Variants in PM20D1 observed in about 807,000 individuals in gnomAD.
The protein encoded by PM20D1 is peptidase M20 domain containing 1.
Under a neutral mutation model 53.8 loss-of-function variants are expected in PM20D1, and 53 were observed. That is an observed-to-expected ratio of 0.98 (90% CI 0.79 to 1.24). The LOEUF (loss-of-function observed/expected upper bound fraction) is 1.24, where lower values mean the gene tolerates loss of function less well. Ranked by LOEUF, PM20D1 falls within the 50% of genes most tolerant of loss-of-function variation. The pLI is 0.00. For missense variants in PM20D1, 564 were observed against 616.8 expected, an observed-to-expected ratio of 0.91 and a Z score of 0.91; for synonymous variants, 239 against 241.3, an observed-to-expected ratio of 0.99 and a Z score of 0.09.
chr1:205,838,409 C>A (rs753662213), intron 10 of PM20D1, among the ~76,000 whole-genome samples: 12 of 152,202 alleles, frequency 7.9e-5, no homozygotes, highest in South Asian at 2.1e-4. Flanking sequence ...TTAGGAAGCC[C>A]TGCCTGATTC....
chr1:205,840,254 C>T lies in PM20D1; in HGVS notation c.1114G>A (p.Glu372Lys). 1 of 1,613,530 alleles carries T rather than the reference C, an allele frequency of 6.2e-7. No homozygotes were observed. The highest frequency in any genetic ancestry group is 1.7e-5 in the Admixed American group (1 of 60,002). The change falls in exon 10 of 13, where the codon GAG becomes AAG. Residue 372 changes from glutamate (E) to lysine (K), a missense_variant and splice_region_variant. Physicochemically the swap from Glu to Lys is moderately conservative, Grantham distance 56. Coordinates refer to ENST00000367136, the MANE Select transcript of PM20D1 (RefSeq NM_152491.5). ...TGTCTGGAACATATGGTACATACCT[C>T]TTGGACTGTCTGTCCAGGGTGAATC... ...FRIHPGQTVQ[E>K]VLELTKNIVA...
intron 5 of PM20D1, 51 bp downstream of exon 5, chr1:205,844,036 C>A: frequency 6.4e-7 from 1 of 1,571,022 alleles, no homozygotes; most frequent in South Asian, 1.2e-5. Flanking sequence ...GGGGTCATCT[C>A]AAATGGGGTG....
At chr1:205,848,064 A>T in intron 1 of PM20D1, 93 bp from the exon 2 acceptor site, 1 of 1,190,334 alleles carries the variant, frequency 8.4e-7, no homozygotes, top group Non-Finnish European at 1.2e-6. Context: ...TTTTGCCTTC[A>T]TTATCATATT....
intron 10 of PM20D1, among the ~76,000 whole-genome samples, chr1:205,834,150 G>C (rs1309390232): frequency 7.6e-6 from 1 of 130,930 alleles, no homozygotes; most frequent in Non-Finnish European, 1.6e-5. Context: ...GCCTGGCCAA[G>C]AGTACCTTTT....
intron 12 of PM20D1, chr1:205,829,897 T>C (rs1571665094): frequency 5.5e-6 from 1 of 180,330 alleles, no homozygotes; most frequent in East Asian, 1.4e-4. Context: ...TGACCTCATA[T>C]GTGTCTGCAT....
At chr1:205,829,235 C>T (rs1656506863) in intron 12 of PM20D1, among the ~76,000 whole-genome samples, 1 of 152,066 alleles carries the variant, frequency 6.6e-6, no homozygotes, top group African/African-American at 2.4e-5. Flanking sequence ...CATTATGTTG[C>T]CCAGGCTGGT....
chr1:205,845,294 C>T (rs1357289883), intron 3 of PM20D1, 31 bp downstream of exon 3: 2 of 1,601,306 alleles, frequency 1.2e-6, no homozygotes, highest in Non-Finnish European at 1.7e-6. Context: ...TCTTTAGGGC[C>T]CCAAGGCAGA....
In PM20D1 at chr1:205,849,925, C is replaced by A. The variant is rs934616543; in HGVS notation, c.148G>T (p.Ala50Ser). 6.2e-7 allele frequency: 1 copy of A among 1,612,826 alleles called. No individual in the cohort carries two copies. The highest frequency in any genetic ancestry group is 1.7e-5 in the Admixed American group (1 of 59,962). Reference protein sequence around the residue: ...PSQFSKEERVAMKEALKGAIQ... With the variant: ...PSQFSKEERVSMKEALKGAIQ... ...TCACCTTTCAGCGCCTCTTTCATCG[C>A]GACGCGTTCCTCTTTGCTGAACTGA... Residue 50 changes from alanine to serine, a missense_variant, in exon 1 of 13, where the codon GCG (alanine) becomes TCG (serine). Ala to Ser is a moderately conservative substitution (Grantham distance 99). Transcript: ENST00000367136.
In PM20D1 at chr1:205,830,843, C is replaced by T. The variant is rs1183974198; in HGVS notation, c.1286-464G>A. 5.9e-5 allele frequency among the ~76,000 whole-genome samples: 9 copies of T among 151,924 alleles called. No individual in the cohort carries two copies. In the South Asian group the frequency reaches 6.3e-4, roughly 11 times the overall value. On this transcript the variant is annotated intron_variant, in intron 11 of 12. Transcript: ENST00000367136. ...CATGGCTGTTTGCTGTTCCCCATGA[C>T]GCCCAGGGTGGCCAGTATCTTCATT...
chr1:205,841,833 G>T lies in PM20D1; in HGVS notation c.1022C>A (p.Thr341Asn), dbSNP rs777734510. Reference protein sequence around the residue: ...NAIIRTTTALTIFKAGVKFNV... With the variant: ...NAIIRTTTALNIFKAGVKFNV... ...TACCTTGACCCCTGCTTTGAATATG[G>T]TGAGTGCCGTGGTGGTCCTGATTAT... The change falls in exon 9 of 13, where the codon ACC becomes AAC. Residue 341 changes from threonine (T) to asparagine (N), a missense_variant. Coordinates refer to ENST00000367136, the MANE Select transcript of PM20D1 (RefSeq NM_152491.5). 12 of 1,569,858 alleles carry T rather than the reference G, an allele frequency of 7.6e-6. No homozygotes were observed. The South Asian group carries it at 1.0e-4, about 14-fold the overall frequency.
chr1:205,849,683 A>G (rs893675094), intron 1 of PM20D1, among the ~76,000 whole-genome samples: 1 of 152,118 alleles, frequency 6.6e-6, no homozygotes, highest in Non-Finnish European at 1.5e-5. Context: ...CAGGTTAGGC[A>G]GGGCACACCA....
At chr1:205,849,344 C>A (rs1419639752) in intron 1 of PM20D1, among the ~76,000 whole-genome samples, 1 of 152,020 alleles carries the variant, frequency 6.6e-6, no homozygotes, top group Non-Finnish European at 1.5e-5. Flanking sequence ...GAATTAGGAA[C>A]ATCCCACACC....
chr1:205,843,673 A>T lies in PM20D1; in HGVS notation c.821T>A (p.Val274Asp). ...ETSIGILAAA[V>D]SRLEQTPMPI... ...AGGGCCAGGAGTTGCTTACCGGCTG[A>T]CAGCAGCTGCAAGGATGCCAATGCT... Residue 274 changes from valine to aspartate, a missense_variant, in exon 6 of 13, where the codon GTC (valine) becomes GAC (aspartate). Physicochemically the swap from Val to Asp is radical, Grantham distance 152. Coordinates refer to ENST00000367136, the MANE Select transcript of PM20D1 (RefSeq NM_152491.5). 1 of 1,613,630 alleles carries T rather than the reference A, an allele frequency of 6.2e-7. No homozygotes were observed. Among genetic ancestry groups the T allele is most frequent in the Non-Finnish European group, 8.5e-7 (1 of 1,179,878 alleles).
At chr1:205,835,193 A>C (rs1355529120) in intron 10 of PM20D1, among the ~76,000 whole-genome samples, 1 of 152,200 alleles carries the variant, frequency 6.6e-6, no homozygotes, top group Non-Finnish European at 1.5e-5. Flanking sequence ...CCAAGTTTCA[A>C]GGAAGGATAT....
At chr1:205,837,292 T>C (rs1656704880) in intron 10 of PM20D1, among the ~76,000 whole-genome samples, 1 of 152,230 alleles carries the variant, frequency 6.6e-6, no homozygotes, top group African/African-American at 2.4e-5. Context: ...CTTTTAGTGA[T>C]GAGGAGCACA....
At chr1:205,848,331 CT>C (rs1657046759) in intron 1 of PM20D1, among the ~76,000 whole-genome samples, 1 of 152,204 alleles carries the variant, frequency 6.6e-6, no homozygotes, top group Non-Finnish European at 1.5e-5. Context: ...CTCACTACCT[CT>C]GAAATCACCA....
At position 205,840,308 on chromosome 1, in the gene PM20D1, G is replaced by A. The variant is rs752874170; in HGVS notation, c.1060C>T (p.Pro354Ser). 2 of 1,613,928 alleles carry A rather than the reference G, an allele frequency of 1.2e-6. No homozygotes were observed. The highest frequency in any genetic ancestry group is 1.6e-4 in the Middle Eastern group (1 of 6,062). The part of the protein sequence containing the change: ...KAGVKFNVIP[P>S]VAQATVNFRI... ...AAGTTGACTGTGGCCTGGGCCACTGGGGGGATGACATTGAACTAGAGAGAG... is the reference window on the plus strand; with the variant it reads ...AAGTTGACTGTGGCCTGGGCCACTGAGGGGATGACATTGAACTAGAGAGAG... The change falls in exon 10 of 13, where the codon CCA becomes TCA. Residue 354 changes from proline to serine, a missense_variant. Coordinates refer to ENST00000367136, the MANE Select transcript of PM20D1 (RefSeq NM_152491.5).
At chr1:205,847,546 G>A (rs1264578190) in intron 2 of PM20D1, among the ~76,000 whole-genome samples, 5 of 139,762 alleles carry the variant, frequency 3.6e-5, no homozygotes, top group Non-Finnish European at 6.2e-5. Context: ...AGGAGGTAGG[G>A]GTGGGAGGAG....
At chr1:205,841,557 G>T (rs1352356634) in intron 9 of PM20D1, among the ~76,000 whole-genome samples, 1 of 152,132 alleles carries the variant, frequency 6.6e-6, no homozygotes, top group Non-Finnish European at 1.5e-5. Flanking sequence ...TTATATACCC[G>T]ATTACTAGAG....
Sources: allele counts gnomAD v4.1 joint callset (sites outside exome capture counted in the v4.1 genomes callset), GRCh38; gene constraint gnomAD v4.1.1; transcripts MANE v1.5; gene names NCBI Gene and HGNC (gene_info 2026-07-23, HGNC 2026-07-21).